The following TRDMT1 variants were observed in gnomAD, a reference collection of about 807,000 sequenced individuals.
TRDMT1 encodes the protein tRNA aspartic acid methyltransferase 1.
A neutral mutation model predicts 51.2 loss-of-function variants in TRDMT1; 49 were observed. The observed-to-expected ratio is 0.96, with a 90% CI of 0.76 to 1.21. The LOEUF (loss-of-function observed/expected upper bound fraction) is 1.21. Ranked by LOEUF, TRDMT1 falls within the 50% of genes most tolerant of loss-of-function variation. The probability of loss-of-function intolerance (pLI) is 0.00; values close to 1 mark genes in which losing one functional copy is unlikely to be tolerated. For synonymous variants in TRDMT1, 187 were observed against 164.6 expected (o/e 1.14, Z -1.04); for missense variants, 534 against 462.3 (o/e 1.16, Z -1.42).
In TRDMT1 at chr10:17,162,229, C is replaced by T. The variant is rs372387101; in HGVS notation, c.260G>A (p.Arg87Gln). 209 of 1,590,524 alleles carry T rather than the reference C, an allele frequency of 1.3e-4. No individual in the cohort carries two copies. Among genetic ancestry groups the T allele is most frequent in the Non-Finnish European group, 1.7e-4 (196 of 1,170,900 alleles). ...PPCQPFTRIG[R>Q]QGDMTDSRTN... ...CCTTGAATCAGTCATATCACCCTGC[C>T]GGCCAATCCTAAAGGGGTAAAAAAA... is the stretch of plus-strand genomic sequence containing the variant. Residue 87 changes from arginine (R) to glutamine (Q), a missense_variant, in exon 4 of 11, where the codon CGG (arginine) becomes CAG (glutamine). Physicochemically the swap from Arg to Gln is conservative, Grantham distance 43. Transcript: ENST00000377799.
At chr10:17,169,157 C>G (rs1018354185) in intron 2 of TRDMT1, among the ~76,000 whole-genome samples, 1 of 152,192 alleles carries the variant, frequency 6.6e-6, no homozygotes, top group Non-Finnish European at 1.5e-5. Context: ...CAGCCCAGAG[C>G]TGGAACAGTT....
At chr10:17,175,666 A>G (rs1842536424) in intron 1 of TRDMT1, among the ~76,000 whole-genome samples, 1 of 144,348 alleles carries the variant, frequency 6.9e-6, no homozygotes, top group Admixed American at 6.9e-5. Context: ...CCCAAATATC[A>G]AAAAAGGAAA....
intron 1 of TRDMT1, among the ~76,000 whole-genome samples, chr10:17,194,949 C>CAAAACAAAAAAAAAAAAAAAAAAAAAAA: frequency 1.2e-5 from 1 of 85,286 alleles, no homozygotes; most frequent in Non-Finnish European, 2.7e-5. Context: ...AAAAAAAAGT[C>CAAAACAAAAAAAAAAAAAAAAAAAAAAA]AAAAAAAAAA....
intron 1 of TRDMT1, among the ~76,000 whole-genome samples, chr10:17,194,440 G>A (rs891366105): frequency 6.6e-6 from 1 of 151,916 alleles, no homozygotes; most frequent in African/African-American, 2.4e-5. Flanking sequence ...GAATCTAAAA[G>A]AAACTTAAAC....
chr10:17,177,833 A>C (rs1842804862), intron 1 of TRDMT1, among the ~76,000 whole-genome samples: 2 of 152,110 alleles, frequency 1.3e-5, no homozygotes, highest in East Asian at 3.9e-4. Context: ...TGTTGGTAGT[A>C]GTGAAAAGCT....
At chr10:17,197,867 T>C (rs1462212901) in intron 1 of TRDMT1, among the ~76,000 whole-genome samples, 1 of 152,052 alleles carries the variant, frequency 6.6e-6, no homozygotes, top group African/African-American at 2.4e-5. Context: ...ACCCCATCTC[T>C]ACTAAAAATA....
chr10:17,147,000 TTCTG>T lies in TRDMT1; in HGVS notation c.*2036_*2039del. 2 of 985,560 alleles carry T rather than the reference TTCTG, an allele frequency of 2.0e-6. No homozygotes were observed. The highest frequency in any genetic ancestry group is 2.4e-6 in the Non-Finnish European group (2 of 829,930). The allele number at this position is 985,560 out of a possible 1,614,324, so 61.1% of individuals were successfully genotyped here. ...AATTTAAGAATTCCACTAAGCTACA[TTCTG>T]TCTACCAGTTTGTAAGCAAATGTCT... On this transcript the variant is annotated 3_prime_UTR_variant, in exon 11 of 11. Transcript: ENST00000377799.
chr10:17,181,543 C>A (rs1364963570), intron 1 of TRDMT1, among the ~76,000 whole-genome samples: 1 of 152,120 alleles, frequency 6.6e-6, no homozygotes, highest in Non-Finnish European at 1.5e-5. Context: ...AAATCAACTC[C>A]AGATTATTAC....
chr10:17,191,705 C>T (rs1844707923), intron 1 of TRDMT1, among the ~76,000 whole-genome samples: 1 of 152,172 alleles, frequency 6.6e-6, no homozygotes, highest in African/African-American at 2.4e-5. Flanking sequence ...CATCTTCTCA[C>T]TGGCATTTGA....
chr10:17,157,667 G>C lies in TRDMT1; in HGVS notation c.661C>G (p.Gln221Glu). 1.2e-6 allele frequency: 2 copies of C among 1,613,320 alleles called. No homozygotes were observed. The highest frequency in any genetic ancestry group is 1.7e-6 in the Non-Finnish European group (2 of 1,179,600). ...AGAATGGCATCTTTTCCAGAACACT[G>C]TATGCTGCCATCAAAGCTAATATTT... ...EPNISFDGSI[Q>E]CSGKDAILFK... is the part of the protein sequence containing the mutation. The change falls in exon 8 of 11, where the codon CAG becomes GAG. Residue 221 changes from glutamine (Q) to glutamate (E), a missense_variant. By Grantham distance (29) the Gln-to-Glu change is conservative (BLOSUM62 2). Transcript: ENST00000377799.
intron 10 of TRDMT1, among the ~76,000 whole-genome samples, chr10:17,152,297 C>G (rs994235727): frequency 1.2e-4 from 19 of 152,186 alleles, no homozygotes; most frequent in Admixed American, 1.2e-3. Flanking sequence ...AAGAAAGAGG[C>G]AGGGAGTACA....
At chr10:17,176,178 A>G (rs969606814) in intron 1 of TRDMT1, among the ~76,000 whole-genome samples, 1 of 152,198 alleles carries the variant, frequency 6.6e-6, no homozygotes, top group East Asian at 1.9e-4. Context: ...GCTACTACTA[A>G]TCACTGTAAG....
intron 2 of TRDMT1, 117 bp from the exon 3 acceptor site, chr10:17,169,034 T>C: frequency 1.4e-6 from 1 of 710,876 alleles, no homozygotes; most frequent in Non-Finnish European, 2.2e-6. Flanking sequence ...TATAATACAA[T>C]GCTTGTCAAA....
intron 1 of TRDMT1, among the ~76,000 whole-genome samples, chr10:17,196,486 T>C (rs939781427): frequency 2.6e-5 from 4 of 152,364 alleles, no homozygotes; most frequent in Non-Finnish European, 5.9e-5. Context: ...TCCACTGATA[T>C]ATAACCTGTG....
At chr10:17,175,457 A>G (rs1588610237) in intron 1 of TRDMT1, among the ~76,000 whole-genome samples, 2 of 152,022 alleles carry the variant, frequency 1.3e-5, no homozygotes, top group South Asian at 4.1e-4. Context: ...TACAATGACC[A>G]CCCTCTTTCC....
At position 17,147,711 on chromosome 10, in the gene TRDMT1, G is replaced by GA. The variant is rs1838245577; in HGVS notation, c.*1328dup. The GA allele has an allele frequency of 6.5e-6, 1 of 153,586 alleles. No individual in the cohort carries two copies. Among genetic ancestry groups the GA allele is most frequent in the Non-Finnish European group, 1.4e-5 (1 of 69,276 alleles). 9.5% of individuals were successfully genotyped at this position (153,586 alleles called of 1,614,324 possible). ...ACAATTCCTGCATCCATTCATGGGT[G>GA]AATGGGATGACACTTGGGCTGCTTC... On this transcript the variant is annotated 3_prime_UTR_variant, in exon 11 of 11. Coordinates refer to ENST00000377799, the MANE Select transcript of TRDMT1 (RefSeq NM_004412.7).
chr10:17,152,175 T>C, intron 10 of TRDMT1: 1 of 1,028,620 alleles, frequency 9.7e-7, no homozygotes, highest in Non-Finnish European at 1.3e-6. Context: ...TTCTCAGCTC[T>C]TCTATTTGTT....
chr10:17,170,120 A>C (rs1191213648), intron 2 of TRDMT1, among the ~76,000 whole-genome samples: 1 of 152,224 alleles, frequency 6.6e-6, no homozygotes, highest in Non-Finnish European at 1.5e-5. Context: ...CTATGTCTAG[A>C]ATCGAAAGGA....
intron 3 of TRDMT1, among the ~76,000 whole-genome samples, chr10:17,163,899 C>A (rs563457346): frequency 5.3e-5 from 8 of 152,120 alleles, no homozygotes; most frequent in African/African-American, 7.2e-5. Context: ...AAAAAAAAGT[C>A]CAGGACCAGA....
Sources: allele counts gnomAD v4.1 joint callset (sites outside exome capture counted in the v4.1 genomes callset), GRCh38; gene constraint gnomAD v4.1.1; transcripts MANE v1.5; gene names NCBI Gene and HGNC (gene_info 2026-07-23, HGNC 2026-07-21).